Variants in KCNH7 observed in about 807,000 individuals in gnomAD.
KCNH7 encodes the protein potassium voltage-gated channel subfamily H member 7.
A neutral mutation model predicts 120.8 loss-of-function variants in KCNH7; 49 were observed. The ratio of observed to expected loss-of-function variants is 0.41; its 90% confidence interval spans 0.32 to 0.51. The LOEUF is 0.51. Among genes scored for constraint, KCNH7 ranks in the 20% least tolerant of loss-of-function variants. The probability of loss-of-function intolerance (pLI) is 0.38; values close to 1 mark genes in which losing one functional copy is unlikely to be tolerated. For missense variants in KCNH7, 1,097 were observed against 1,446.6 expected, an observed-to-expected ratio of 0.76 and a Z score of 3.92; for synonymous variants, 547 against 516.1, an observed-to-expected ratio of 1.06 and a Z score of -0.81.
chr2:162,459,681 C>T (rs889232956), intron 6 of KCNH7, among the ~76,000 whole-genome samples: 1 of 152,108 alleles, frequency 6.6e-6, no homozygotes, highest in Non-Finnish European at 1.5e-5. Flanking sequence ...TAACAATGAA[C>T]AGCATTATTA....
chr2:162,624,172 C>A (rs1683462215), intron 2 of KCNH7, among the ~76,000 whole-genome samples: 1 of 152,166 alleles, frequency 6.6e-6, no homozygotes, highest in East Asian at 1.9e-4. Flanking sequence ...TCACCTGAAG[C>A]AGGTGATCAT....
At chr2:162,667,965 G>T in intron 2 of KCNH7, among the ~76,000 whole-genome samples, 1 of 152,104 alleles carries the variant, frequency 6.6e-6, no homozygotes, top group African/African-American at 2.4e-5. Flanking sequence ...AGATAACATT[G>T]TTAGGCTTCA....
At chr2:162,684,941 G>A (rs10199406) in intron 2 of KCNH7, among the ~76,000 whole-genome samples, 25,808 of 151,970 alleles carry the variant, frequency 0.17, 2,543 homozygotes, top group East Asian at 0.46. Context: ...AAGACTTGGA[G>A]CCAACCCAAA....
intron 3 of KCNH7, 137 bp downstream of exon 3, chr2:162,536,788 A>G: frequency 1.1e-6 from 1 of 876,290 alleles, no homozygotes; most frequent in East Asian, 2.5e-5. Flanking sequence ...AACATGAGCT[A>G]ATGGCTTACT....
rs551866587 is a variant in KCNH7 at position 162,466,425 on chromosome 2, G to C, written c.1129-19982C>G. 2.0e-4 allele frequency among the ~76,000 whole-genome samples: 30 copies of C among 152,296 alleles called. No homozygotes were observed. The South Asian group carries it at 5.8e-3, about 29-fold the overall frequency. Reference sequence around the variant, plus strand: ...CTACACATGGCGGCAGGACGGAGAAGTGCCAATCAAAGGGGGAAAAGCCCC... The same window carrying C: ...CTACACATGGCGGCAGGACGGAGAACTGCCAATCAAAGGGGGAAAAGCCCC... On this transcript the variant is annotated intron_variant, in intron 6 of 15. Coordinates refer to ENST00000332142, the MANE Select transcript of KCNH7 (RefSeq NM_033272.4).
intron 2 of KCNH7, among the ~76,000 whole-genome samples, chr2:162,823,715 T>C (rs1461388211): frequency 6.6e-6 from 1 of 152,196 alleles, no homozygotes; most frequent in Non-Finnish European, 1.5e-5. Flanking sequence ...TCTGCTGGAA[T>C]GAAAATTCAA....
intron 2 of KCNH7, among the ~76,000 whole-genome samples, chr2:162,818,280 T>C (rs1034882585): frequency 1.1e-4 from 16 of 152,156 alleles, no homozygotes; most frequent in African/African-American, 3.6e-4. Context: ...AATTAATTTT[T>C]GTACACAGTA....
chr2:162,707,188 T>A (rs1454563336), intron 2 of KCNH7, among the ~76,000 whole-genome samples: 1 of 152,110 alleles, frequency 6.6e-6, no homozygotes, highest in Non-Finnish European at 1.5e-5. Context: ...TTTAGTTTTT[T>A]AAAAAAATCT....
chr2:162,561,182 T>A (rs965095812), intron 2 of KCNH7, among the ~76,000 whole-genome samples: 2 of 152,190 alleles, frequency 1.3e-5, no homozygotes, highest in Non-Finnish European at 2.9e-5. Flanking sequence ...ATCATAATTA[T>A]GTATCTAATT....
intron 2 of KCNH7, among the ~76,000 whole-genome samples, chr2:162,821,971 C>T (rs1248356883): frequency 6.6e-6 from 1 of 151,440 alleles, no homozygotes; most frequent in Admixed American, 6.6e-5. Flanking sequence ...CACAGAGAAA[C>T]TGGGAGTCCA....
intron 2 of KCNH7, among the ~76,000 whole-genome samples, chr2:162,562,638 C>T (rs905376585): frequency 2.0e-5 from 3 of 152,138 alleles, no homozygotes; most frequent in Non-Finnish European, 4.4e-5. Flanking sequence ...CTCACTTGGA[C>T]CTGGGCTTTG....
rs748350152 is a variant in KCNH7 at position 162,435,321 on chromosome 2, T to C, written c.1831A>G (p.Lys611Glu). The C allele has an allele frequency of 1.2e-6, 2 of 1,613,910 alleles. No homozygotes were observed. The highest frequency in any genetic ancestry group is 1.7e-6 in the Non-Finnish European group (2 of 1,179,858). The change falls in exon 8 of 16, where the codon AAA becomes GAA. Residue 611 changes from lysine (K) to glutamate (E), a missense_variant. Lys to Glu is a moderately conservative substitution (Grantham distance 56). Coordinates refer to ENST00000332142, the MANE Select transcript of KCNH7 (RefSeq NM_033272.4). ...TAAAGTGCTGTGACGTATTTGTCTT[T>C]AATGGATGGTCCAGAACTTGAGTCA... ...DSDSSSGPSI[K>E]DKYVTALYFT... is the part of the protein sequence containing the mutation.
At chr2:162,611,701 T>C (rs1186737431) in intron 2 of KCNH7, among the ~76,000 whole-genome samples, 1 of 152,184 alleles carries the variant, frequency 6.6e-6, no homozygotes, top group Non-Finnish European at 1.5e-5. Flanking sequence ...TTTGAGCATG[T>C]TGTGAGTTAA....
intron 2 of KCNH7, among the ~76,000 whole-genome samples, chr2:162,567,463 G>A (rs1044511625): frequency 1.3e-5 from 2 of 151,936 alleles, no homozygotes; most frequent in Non-Finnish European, 2.9e-5. Flanking sequence ...GCTAGGAAGT[G>A]TGCTTCATGG....
chr2:162,498,509 T>A (rs1241804529), intron 6 of KCNH7, among the ~76,000 whole-genome samples: 1 of 149,570 alleles, frequency 6.7e-6, no homozygotes. Flanking sequence ...AGGGTGGGGG[T>A]GTGCACGTGT....
intron 5 of KCNH7, among the ~76,000 whole-genome samples, chr2:162,506,155 C>G (rs192069126): frequency 2.0e-5 from 3 of 151,976 alleles, no homozygotes; most frequent in East Asian, 3.9e-4. Flanking sequence ...AGAAAAATGT[C>G]ACGAGCTCTC....
intron 4 of KCNH7, among the ~76,000 whole-genome samples, chr2:162,513,498 CTTCCTTCT>C (rs1427439335): frequency 1.6e-5 from 1 of 62,856 alleles, no homozygotes; most frequent in Non-Finnish European, 4.1e-5. Context: ...TCCTTCCTTC[CTTCCTTCT>C]TTCCTTCCTT....
chr2:162,770,322 T>C (rs901371555), intron 2 of KCNH7, among the ~76,000 whole-genome samples: 22 of 134,736 alleles, frequency 1.6e-4, no homozygotes, highest in African/African-American at 6.9e-4. Flanking sequence ...ATATACATAT[T>C]TACATATATA....
intron 6 of KCNH7, among the ~76,000 whole-genome samples, chr2:162,453,671 G>A (rs1688855569): frequency 6.6e-6 from 1 of 152,104 alleles, no homozygotes. Context: ...GTCATGAGAT[G>A]GTATCTCACT....
Sources: gnomAD v4.1 joint callset for allele counts (sites outside exome capture counted in the v4.1 genomes callset) on GRCh38, gnomAD v4.1.1 for gene constraint, MANE v1.5 for transcripts, NCBI Gene and HGNC (gene_info 2026-07-23, HGNC 2026-07-21) for gene names.